The following PKNOX2 variants were observed in gnomAD, a reference collection of about 807,000 sequenced individuals.
The protein encoded by PKNOX2 is homeobox protein PKNOX2.
Under a neutral mutation model 53.1 loss-of-function variants are expected in PKNOX2, and 14 were observed. That is an observed-to-expected ratio of 0.26 (90% CI 0.17 to 0.41). The LOEUF is 0.41. PKNOX2 is among the 10% of genes least tolerant of loss of function. The probability of loss-of-function intolerance (pLI) is 1.00; values close to 1 mark genes in which losing one functional copy is unlikely to be tolerated. For missense variants in PKNOX2, 496 were observed against 602.8 expected (o/e 0.82, Z 1.85); for synonymous variants, 257 against 242.8 (o/e 1.06, Z -0.54).
At chr11:125,298,218 C>G (rs1326143299) in intron 2 of PKNOX2, among the ~76,000 whole-genome samples, 1 of 152,156 alleles carries the variant, frequency 6.6e-6, no homozygotes, top group Non-Finnish European at 1.5e-5. Context: ...GAGGTTCAGA[C>G]AGGGGTAGAT....
intron 5 of PKNOX2, among the ~76,000 whole-genome samples, chr11:125,374,285 G>A (rs1356753289): frequency 1.3e-5 from 2 of 152,092 alleles, no homozygotes; most frequent in African/African-American, 2.4e-5. Context: ...CGGATGCTTC[G>A]TGCCAGGGCC....
intron 10 of PKNOX2, among the ~76,000 whole-genome samples, chr11:125,425,708 AGCGCTGACCCAATCATGGTCT>A (rs1956378828): frequency 6.6e-6 from 1 of 152,250 alleles, no homozygotes; most frequent in South Asian, 2.1e-4. Flanking sequence ...TGCTAAAAGT[AGCGCTGACCCAATCATGGTCT>A]GTCCAGAGGC....
intron 2 of PKNOX2, among the ~76,000 whole-genome samples, chr11:125,319,382 C>T (rs1949387256): frequency 6.6e-6 from 1 of 152,188 alleles, no homozygotes; most frequent in Admixed American, 6.5e-5. Context: ...GACACACAGA[C>T]ATGAAGTGAG....
intron 11 of PKNOX2, among the ~76,000 whole-genome samples, chr11:125,429,456 T>C (rs917512237): frequency 3.3e-5 from 5 of 152,092 alleles, no homozygotes; most frequent in African/African-American, 1.2e-4. Flanking sequence ...CCCACCCCCA[T>C]GTGAACTGAG....
intron 10 of PKNOX2, among the ~76,000 whole-genome samples, chr11:125,424,751 G>A (rs544508516): frequency 1.5e-4 from 23 of 152,312 alleles, no homozygotes; most frequent in Admixed American, 3.9e-4. Flanking sequence ...TACATGGCTA[G>A]GAGGTGGAAG....
In PKNOX2 at chr11:125,405,490, G is replaced by A. The variant is rs58921529; in HGVS notation, c.589-4706G>A. Among the ~76,000 whole-genome samples, 1,099 of 145,728 alleles carry A rather than the reference G, an allele frequency of 7.5e-3. 12 individuals carry two copies. Among genetic ancestry groups the A allele is most frequent in the African/African-American group, 0.025 (1,004 of 40,182 alleles). On this transcript the variant is annotated intron_variant, in intron 7 of 12. Transcript: ENST00000298282. ...CGTGAGACCGCTGTGCATTCATGTG[G>A]GCCCCTGCACCCCCCACTTCCAAAA...
intron 3 of PKNOX2, among the ~76,000 whole-genome samples, chr11:125,349,836 A>AACAC (rs1951199693): frequency 1.1e-5 from 1 of 88,784 alleles, no homozygotes; most frequent in African/African-American, 3.9e-5. Flanking sequence ...AACCAAAAGA[A>AACAC]TCACACACAC....
intron 2 of PKNOX2, among the ~76,000 whole-genome samples, chr11:125,326,845 T>C (rs1310878461): frequency 1.3e-5 from 2 of 152,170 alleles, no homozygotes; most frequent in Non-Finnish European, 2.9e-5. Flanking sequence ...ACAGAGCAAA[T>C]GTGTGATGAA....
At chr11:125,253,693 T>A (rs12294999) in intron 2 of PKNOX2, among the ~76,000 whole-genome samples, 36,061 of 152,122 alleles carry the variant, frequency 0.24, 5,451 homozygotes, top group Non-Finnish European at 0.33. Flanking sequence ...TCTCTATCAC[T>A]GGCACCCAGC....
chr11:125,411,926 T>A, intron 10 of PKNOX2, 61 bp downstream of exon 10: 1 of 1,607,296 alleles, frequency 6.2e-7, no homozygotes, highest in Non-Finnish European at 8.5e-7. Context: ...ACCCACCGTG[T>A]GGGTACCAGA....
At position 125,388,592 on chromosome 11, in the gene PKNOX2, C is replaced by G. The variant is rs182646426; in HGVS notation, c.399+2870C>G. On this transcript the variant is annotated intron_variant, in intron 6 of 12. Coordinates refer to ENST00000298282, the MANE Select transcript of PKNOX2 (RefSeq NM_001382323.2). The stretch of plus-strand genomic sequence containing the variant: ...TGTCCCTTGGAAGTTCCTCTCTCCC[C>G]CAGGGTCCTCAAGCCCCAGCTGGGC... Among the ~76,000 whole-genome samples the G allele has an allele frequency of 5.7e-3, 860 of 152,204 alleles. 8 individuals are homozygous for G. Among genetic ancestry groups the G allele is most frequent in the Middle Eastern group, 0.01 (3 of 294 alleles).
chr11:125,213,819 T>C (rs1940169544), intron 1 of PKNOX2, among the ~76,000 whole-genome samples: 1 of 152,158 alleles, frequency 6.6e-6, no homozygotes, highest in African/African-American at 2.4e-5. Context: ...TCTGGCCACA[T>C]GTGATCCGGG....
At chr11:125,294,623 AC>A (rs1226520742) in intron 2 of PKNOX2, among the ~76,000 whole-genome samples, 3 of 152,204 alleles carry the variant, frequency 2.0e-5, no homozygotes, top group Non-Finnish European at 4.4e-5. Flanking sequence ...GCACAGGGAC[AC>A]TGTGGTGAGA....
intron 2 of PKNOX2, among the ~76,000 whole-genome samples, chr11:125,312,972 G>A (rs893851872): frequency 1.3e-5 from 2 of 152,218 alleles, no homozygotes; most frequent in Admixed American, 6.5e-5. Flanking sequence ...CTCGCATGCC[G>A]TGTGAAAGGC....
chr11:125,189,068 G>C, intron 1 of PKNOX2, among the ~76,000 whole-genome samples: 1 of 151,874 alleles, frequency 6.6e-6, no homozygotes, highest in East Asian at 1.9e-4. Flanking sequence ...AGAGAAGGCT[G>C]CGTTTTTGCT....
intron 1 of PKNOX2, among the ~76,000 whole-genome samples, chr11:125,170,543 G>T (rs986639703): frequency 1.5e-4 from 23 of 152,178 alleles, no homozygotes; most frequent in Admixed American, 1.5e-3. Flanking sequence ...TTCATCTCAC[G>T]CGGTCAAGCA....
chr11:125,382,961 G>C (rs1200545878), intron 5 of PKNOX2, among the ~76,000 whole-genome samples: 1 of 152,096 alleles, frequency 6.6e-6, no homozygotes, highest in Non-Finnish European at 1.5e-5. Flanking sequence ...TGCACACCGA[G>C]TCTGCAGCCC....
intron 10 of PKNOX2, among the ~76,000 whole-genome samples, chr11:125,423,217 G>A (rs1036048554): frequency 2.0e-5 from 3 of 152,176 alleles, no homozygotes; most frequent in Admixed American, 6.5e-5. Context: ...GCCGGTTAGA[G>A]ACAAGACAAG....
At chr11:125,293,364 C>G (rs76743435) in intron 2 of PKNOX2, among the ~76,000 whole-genome samples, 5 of 152,140 alleles carry the variant, frequency 3.3e-5, no homozygotes, top group Non-Finnish European at 7.3e-5. Flanking sequence ...AAATGTAGCT[C>G]TCCCTACCTC....
Sources: gnomAD v4.1 joint callset for allele counts (sites outside exome capture counted in the v4.1 genomes callset) on GRCh38, gnomAD v4.1.1 for gene constraint, MANE v1.5 for transcripts, NCBI Gene and HGNC (gene_info 2026-07-23, HGNC 2026-07-21) for gene names.